The following COLEC11 variants were observed in gnomAD, a reference collection of about 807,000 sequenced individuals.
The protein encoded by COLEC11 is collectin subfamily member 11.
A neutral mutation model predicts 27.3 loss-of-function variants in COLEC11; 20 were observed. That is an observed-to-expected ratio of 0.73 (90% CI 0.51 to 1.06). The LOEUF (loss-of-function observed/expected upper bound fraction) is 1.06, where lower values mean the gene tolerates loss of function less well. Ranked by LOEUF, COLEC11 falls within the 50% of genes least tolerant of loss-of-function variation. The pLI is 0.00. For synonymous variants in COLEC11, 163 were observed against 154.7 expected (o/e 1.05, Z -0.40); for missense variants, 310 against 383.0 (o/e 0.81, Z 1.59).
Position 3,602,339 on chromosome 2 carries a change from G to C in COLEC11, c.-26-1976G>C, listed in dbSNP as rs115690911. Among the ~76,000 whole-genome samples the C allele has an allele frequency of 0.019, 2,853 of 152,210 alleles. 81 individuals carry two copies. The highest frequency in any genetic ancestry group is 0.065 in the African/African-American group (2,715 of 41,486). ...TATAGTGTCTCAGACTCGGAAAGTT[G>C]AACCCGAGCCCCTGACTTCACTTCA... On this transcript the variant is annotated intron_variant, in intron 1 of 6. Coordinates refer to ENST00000349077, the MANE Select transcript of COLEC11 (RefSeq NM_024027.5). The surrounding 1 kb of genome is among the most constrained non-coding windows in gnomAD (Gnocchi z 6.2).
intron 3 of COLEC11, chr2:3,626,238 A>G: frequency 1.2e-6 from 1 of 800,156 alleles, no homozygotes; most frequent in Non-Finnish European, 2.2e-6. Flanking sequence ...GCTGGGAGGG[A>G]GGAATATTGT....
intron 2 of COLEC11, among the ~76,000 whole-genome samples, chr2:3,611,321 G>C (rs748369712): frequency 6.6e-6 from 1 of 152,214 alleles, no homozygotes; most frequent in Non-Finnish European, 1.5e-5. Flanking sequence ...CTGCGGAGTG[G>C]CTCCCGCACA....
Position 3,627,089 on chromosome 2 carries a change from G to A in COLEC11, c.203-10444G>A, listed in dbSNP as rs543652409. On this transcript the variant is annotated intron_variant, in intron 3 of 6. Transcript: ENST00000349077. ...GCACAGTGGCAGTTCCCTGATGACC[G>A]GTCACGAACATCTGTGGCTTCCATG... is the stretch of plus-strand genomic sequence containing the variant. Among the ~76,000 whole-genome samples, 13 of 152,254 alleles carry A rather than the reference G, an allele frequency of 8.5e-5. No individual in the cohort carries two copies. The South Asian group carries it at 1.5e-3, about 17-fold the overall frequency.
chr2:3,605,327 G>A (rs1168235765), intron 2 of COLEC11, among the ~76,000 whole-genome samples: 1 of 84,266 alleles, frequency 1.2e-5, no homozygotes, highest in African/African-American at 4.6e-5. Flanking sequence ...TCACGTGGGT[G>A]CCGAGGAGGG....
chr2:3,634,936 AC>A (rs1424648186), intron 3 of COLEC11, among the ~76,000 whole-genome samples: 1 of 151,148 alleles, frequency 6.6e-6, no homozygotes, highest in Non-Finnish European at 1.5e-5. Flanking sequence ...AGTGCCTCTC[AC>A]CGCCTTGCTG....
intron 4 of COLEC11, among the ~76,000 whole-genome samples, chr2:3,639,889 C>CTGA (rs1558519434): frequency 6.6e-6 from 1 of 152,182 alleles, no homozygotes; most frequent in Non-Finnish European, 1.5e-5. Flanking sequence ...GCCTGCGTGG[C>CTGA]GCTCCCATCA....
chr2:3,600,623 T>A (rs1343815552), intron 1 of COLEC11, among the ~76,000 whole-genome samples: 1 of 152,164 alleles, frequency 6.6e-6, no homozygotes, highest in East Asian at 1.9e-4. Flanking sequence ...AGAGGAGAAG[T>A]TCGCATTCAG....
chr2:3,641,682 A>G (rs888939626), intron 5 of COLEC11, among the ~76,000 whole-genome samples: 19 of 152,234 alleles, frequency 1.2e-4, no homozygotes, highest in Admixed American at 1.2e-3. Context: ...GCAAACCCCA[A>G]GAAAGATCGA....
chr2:3,618,947 T>G (rs1663980464), intron 3 of COLEC11, among the ~76,000 whole-genome samples: 1 of 152,262 alleles, frequency 6.6e-6, no homozygotes. Context: ...GATTGTTTCC[T>G]TAATTTTTTT....
chr2:3,642,293 C>G (rs1192881795), intron 5 of COLEC11, among the ~76,000 whole-genome samples: 1 of 152,174 alleles, frequency 6.6e-6, no homozygotes, highest in Non-Finnish European at 1.5e-5. Flanking sequence ...AGATGTGATG[C>G]AGGGATAGGA....
chr2:3,641,129 C>A (rs551860408), intron 5 of COLEC11: 2 of 939,974 alleles, frequency 2.1e-6, no homozygotes, highest in East Asian at 1.2e-4. Context: ...ACCATGTAGA[C>A]CCCACGGTGG....
chr2:3,638,727 C>T (rs1665626658), intron 4 of COLEC11, among the ~76,000 whole-genome samples: 1 of 152,228 alleles, frequency 6.6e-6, no homozygotes, highest in African/African-American at 2.4e-5. Flanking sequence ...CCTTCCCTGC[C>T]ACGGCCAATG....
At chr2:3,604,862 A>T in intron 2 of COLEC11, 1 of 372,270 alleles carries the variant, frequency 2.7e-6, no homozygotes, top group South Asian at 2.2e-5. Flanking sequence ...TAAGTTCCCA[A>T]AGTGTGCTTC....
At chr2:3,616,025 G>T (rs1416029343) in intron 3 of COLEC11, among the ~76,000 whole-genome samples, 1 of 149,424 alleles carries the variant, frequency 6.7e-6, no homozygotes, top group Non-Finnish European at 1.5e-5. Flanking sequence ...CGGCGGAGGG[G>T]CTCCTCACCT....
At chr2:3,641,119 A>C (rs1448908531) in intron 5 of COLEC11, 1 of 749,034 alleles carries the variant, frequency 1.3e-6, no homozygotes, top group Non-Finnish European at 2.0e-6. Flanking sequence ...ACACCCACCC[A>C]CCATGTAGAC....
chr2:3,637,527 C>G lies in COLEC11; in HGVS notation c.203-6C>G. On this transcript the variant is annotated splice_region_variant and splice_polypyrimidine_tract_variant and intron_variant, in intron 3 of 6. Transcript: ENST00000349077. The stretch of plus-strand genomic sequence containing the variant: ...CGACCAACTTTGCTCTTATTGTTTT[C>G]TACAGGAGACATGGGGGACAAAGGA... 2 of 1,613,874 alleles carry G rather than the reference C, an allele frequency of 1.2e-6. No individual in the cohort carries two copies. Among genetic ancestry groups the G allele is most frequent in the South Asian group, 1.1e-5 (1 of 91,078 alleles).
chr2:3,622,971 T>G (rs754873744), intron 3 of COLEC11, among the ~76,000 whole-genome samples: 2 of 152,210 alleles, frequency 1.3e-5, no homozygotes, highest in African/African-American at 2.4e-5. Flanking sequence ...ACATTTCTTG[T>G]AAGGGAAGTC....
intron 3 of COLEC11, among the ~76,000 whole-genome samples, chr2:3,633,924 G>A (rs148396480): frequency 2.5e-4 from 38 of 152,354 alleles, no homozygotes; most frequent in African/African-American, 8.7e-4. Flanking sequence ...AACAGCAGAT[G>A]TGCATTTTCA....
chr2:3,604,120 TG>T (rs1191113414), intron 1 of COLEC11, 194 bp from the exon 2 acceptor site: 16 of 644,872 alleles, frequency 2.5e-5, no homozygotes, highest in Non-Finnish European at 3.8e-5. Flanking sequence ...GTGCTGACCC[TG>T]GGGCTGCTGT....
Sources: allele counts gnomAD v4.1 joint callset (sites outside exome capture counted in the v4.1 genomes callset), GRCh38; gene constraint gnomAD v4.1.1; non-coding constraint Gnocchi (gnomAD v3.1); transcripts MANE v1.5; gene names NCBI Gene and HGNC (gene_info 2026-07-23, HGNC 2026-07-21).